Variants in TOGARAM1 observed in about 807,000 individuals in gnomAD.
TOGARAM1 encodes TOG array regulator of axonemal microtubules protein 1.
Under a neutral mutation model 166.6 loss-of-function variants are expected in TOGARAM1, and 100 were observed. The observed-to-expected ratio is 0.60, with a 90% CI of 0.51 to 0.71. The LOEUF is 0.71. Among genes scored for constraint, TOGARAM1 ranks in the 30% least tolerant of loss-of-function variants. The pLI is 0.00. For synonymous variants in TOGARAM1, 758 were observed against 763.8 expected (o/e 0.99, Z 0.13); for missense variants, 2,029 against 2,102.7 (o/e 0.96, Z 0.69).
chr14:44,972,188 A>T (rs1432469176), intron 1 of TOGARAM1, among the ~76,000 whole-genome samples: 3 of 152,130 alleles, frequency 2.0e-5, no homozygotes, highest in Non-Finnish European at 2.9e-5. Flanking sequence ...CAGGATACAA[A>T]CCCAAACCAT....
At position 44,995,736 on chromosome 14, in the gene TOGARAM1, G is replaced by T. The variant is rs370598945; in HGVS notation, c.2047-10G>T. The T allele has an allele frequency of 2.6e-6, 4 of 1,537,784 alleles. 1 individual carries two copies. Among genetic ancestry groups the T allele is most frequent in the South Asian group, 2.6e-5 (2 of 77,444 alleles). On this transcript the variant is annotated splice_polypyrimidine_tract_variant and intron_variant, in intron 1 of 19. Coordinates refer to ENST00000361462, the MANE Select transcript of TOGARAM1 (RefSeq NM_001308120.2). ...CACAAATTTGCTAATTTATGATTCTGTTCTTATAGTTTTCAACATATGATT... is the reference window on the plus strand; with the variant it reads ...CACAAATTTGCTAATTTATGATTCTTTTCTTATAGTTTTCAACATATGATT...
At chr14:45,049,246 A>G (rs1455426186) in intron 14 of TOGARAM1, among the ~76,000 whole-genome samples, 1 of 150,596 alleles carries the variant, frequency 6.6e-6, no homozygotes, top group Admixed American at 6.6e-5. Context: ...CTCTTTTTGT[A>G]CCAGTCACAG....
chr14:45,025,943 A>G, intron 8 of TOGARAM1, 71 bp downstream of exon 8: 2 of 736,964 alleles, frequency 2.7e-6, no homozygotes, highest in Non-Finnish European at 4.6e-6. Flanking sequence ...TCAATAAGGA[A>G]TAGAAAAGAA....
intron 3 of TOGARAM1, among the ~76,000 whole-genome samples, chr14:45,003,532 T>C (rs1430020677): frequency 6.6e-6 from 1 of 152,180 alleles, no homozygotes; most frequent in Non-Finnish European, 1.5e-5. Flanking sequence ...CTTGTTTTTT[T>C]AGTTTTTCAT....
intron 1 of TOGARAM1, among the ~76,000 whole-genome samples, chr14:44,968,854 T>C (rs1041414957): frequency 3.3e-5 from 5 of 152,224 alleles, no homozygotes; most frequent in East Asian, 1.9e-4. Flanking sequence ...TCCACCATTA[T>C]AGTATCATAA....
chr14:45,026,808 G>A (rs1880869219), intron 8 of TOGARAM1, among the ~76,000 whole-genome samples: 1 of 148,440 alleles, frequency 6.7e-6, no homozygotes, highest in South Asian at 2.1e-4. Flanking sequence ...GACCAGCCTG[G>A]ACAACATGGC....
intron 14 of TOGARAM1, among the ~76,000 whole-genome samples, chr14:45,048,981 C>T (rs1566663608): frequency 1.4e-5 from 2 of 138,636 alleles, no homozygotes; most frequent in African/African-American, 5.4e-5. Context: ...AGGGTTGACT[C>T]AGGCCAGAAC....
At chr14:45,053,507 T>C (rs1199113502) in intron 15 of TOGARAM1, among the ~76,000 whole-genome samples, 2 of 152,254 alleles carry the variant, frequency 1.3e-5, no homozygotes, top group African/African-American at 4.8e-5. Context: ...TTGTAATTTA[T>C]GTCATTTCTC....
intron 1 of TOGARAM1, among the ~76,000 whole-genome samples, chr14:44,986,507 G>C (rs1259900528): frequency 6.6e-6 from 1 of 152,002 alleles, no homozygotes; most frequent in East Asian, 1.9e-4. Context: ...CTGTTGCCTA[G>C]GCTGGTGTTG....
At chr14:45,052,344 G>GT (rs1021135643) in intron 14 of TOGARAM1, 92 bp from the exon 15 acceptor site, 176 of 1,050,418 alleles carry the variant, frequency 1.7e-4, no homozygotes, top group Non-Finnish European at 1.9e-4. Context: ...TTTGATAGGT[G>GT]TTTTTTTTCT....
intron 11 of TOGARAM1, among the ~76,000 whole-genome samples, chr14:45,039,491 G>A (rs1222205069): frequency 6.6e-6 from 1 of 152,124 alleles, no homozygotes; most frequent in Non-Finnish European, 1.5e-5. Context: ...TGTTTGTGCT[G>A]AGGGGTGCCT....
chr14:44,962,570 T>G lies in TOGARAM1; in HGVS notation c.149T>G (p.Phe50Cys), dbSNP rs761111215. 1.1e-5 allele frequency: 18 copies of G among 1,613,782 alleles called. No homozygotes were observed. Among genetic ancestry groups the G allele is most frequent in the Non-Finnish European group, 1.4e-5 (16 of 1,179,906 alleles). ...GIMRGEKNYY[F>C]RGAAGDHGSC... ...ATGAGAGGAGAGAAAAACTACTACT[T>G]CCGTGGAGCTGCGGGGGACCACGGT... The change falls in exon 1 of 20, where the codon TTC becomes TGC. Residue 50 changes from phenylalanine to cysteine, a missense_variant. By Grantham distance (205) the Phe-to-Cys change is radical. This residue lies in a region of TOGARAM1 where 1,453 missense variants were observed against 1,432.2 expected (regional missense o/e 1.01). Coordinates refer to ENST00000361462, the MANE Select transcript of TOGARAM1 (RefSeq NM_001308120.2).
intron 16 of TOGARAM1, among the ~76,000 whole-genome samples, chr14:45,066,250 T>C (rs542816810): frequency 2.0e-5 from 3 of 152,318 alleles, no homozygotes; most frequent in African/African-American, 7.2e-5. Context: ...GAAAGGACTC[T>C]TAAAAGCTTA....
rs1190181136 is a variant in TOGARAM1, at chr14:44,962,803, G to C, written c.382G>C (p.Gly128Arg). Residue 128 changes from glycine to arginine, a missense_variant, in exon 1 of 20, where the codon GGC becomes CGC. Gly to Arg is a moderately radical substitution (Grantham distance 125). This residue lies in a region of TOGARAM1 where 1,453 missense variants were observed against 1,432.2 expected (regional missense o/e 1.01). Transcript: ENST00000361462. ...TTTGCCGCGGCGGGGCGGTCGACTT[G>C]GCTTCCCCCGACGCAAGGAAGCTTT... The part of the protein sequence containing the change: ...AALPRRGGRL[G>R]FPRRKEALYR... 2 of 1,612,390 alleles carry C rather than the reference G, an allele frequency of 1.2e-6. No homozygotes were observed. The highest frequency in any genetic ancestry group is 1.7e-6 in the Non-Finnish European group (2 of 1,180,004).
At chr14:44,989,059 A>C (rs1211383754) in intron 1 of TOGARAM1, among the ~76,000 whole-genome samples, 1 of 152,252 alleles carries the variant, frequency 6.6e-6, no homozygotes, top group African/African-American at 2.4e-5. Flanking sequence ...AGAGATAACA[A>C]GTGTTTGTTG....
chr14:44,971,500 T>G (rs1174276966), intron 1 of TOGARAM1, among the ~76,000 whole-genome samples: 2 of 152,180 alleles, frequency 1.3e-5, no homozygotes, highest in African/African-American at 4.8e-5. Flanking sequence ...AACCCGAGTT[T>G]GTTTTTGTTG....
intron 11 of TOGARAM1, among the ~76,000 whole-genome samples, chr14:45,033,808 G>A (rs972520548): frequency 1.3e-5 from 2 of 152,048 alleles, no homozygotes; most frequent in Non-Finnish European, 2.9e-5. Flanking sequence ...TGGATTAACA[G>A]GACTGTATTT....
chr14:45,056,375 G>C (rs914491586), intron 16 of TOGARAM1, among the ~76,000 whole-genome samples: 3 of 152,194 alleles, frequency 2.0e-5, no homozygotes, highest in Middle Eastern at 3.4e-3. Flanking sequence ...TCTCTTGCAT[G>C]ATTACTTTAT....
At position 45,006,076 on chromosome 14, in the gene TOGARAM1, C is replaced by T. The variant is rs768001664; in HGVS notation, c.2713C>T (p.Arg905Ter). The T allele has an allele frequency of 4.3e-6, 7 of 1,613,504 alleles. No individual in the cohort carries two copies. The highest frequency in any genetic ancestry group is 5.9e-6 in the Non-Finnish European group (7 of 1,179,628). Reference protein sequence around the residue: ...PALVRSPSSRRGLNGTKPVPP... With the variant: ...PALVRSPSSR Reference sequence around the variant, plus strand: ...CTTGGTGAGATCGCCATCTTCCCGACGAGGTCTAAATGGGACAAAGCCTGT... The same window carrying T: ...CTTGGTGAGATCGCCATCTTCCCGATGAGGTCTAAATGGGACAAAGCCTGT... The change falls in exon 5 of 20, where the codon CGA becomes TGA. Residue 905 changes from arginine (R) to a stop codon, truncating the protein, a stop_gained. Coordinates refer to ENST00000361462, the MANE Select transcript of TOGARAM1 (RefSeq NM_001308120.2). LOFTEE classifies it high-confidence loss of function.
Sources: gnomAD v4.1 joint callset for allele counts (sites outside exome capture counted in the v4.1 genomes callset) on GRCh38, gnomAD v4.1.1 for gene constraint, gnomAD v4.1.1 regional missense constraint, MANE v1.5 for transcripts, NCBI Gene and HGNC (gene_info 2026-07-23, HGNC 2026-07-21) for gene names.